CEP85L: variants seen among roughly 807,000 people sequenced by gnomAD.
CEP85L encodes the protein centrosomal protein 85L.
In CEP85L, 60 loss-of-function variants were observed where a neutral mutation model predicts 100.3. The observed-to-expected ratio is 0.60, with a 90% confidence interval of 0.49 to 0.74. CEP85L has a LOEUF of 0.74. CEP85L is among the 30% of genes least tolerant of loss of function. The pLI is 0.00. For synonymous variants in CEP85L, 319 were observed against 322.7 expected, an observed-to-expected ratio of 0.99 and a Z score of 0.12; for missense variants, 973 against 936.2, an observed-to-expected ratio of 1.04 and a Z score of -0.51.
At chr6:118,505,502 A>G (rs1353550867) in intron 5 of CEP85L, among the ~76,000 whole-genome samples, 1 of 151,826 alleles carries the variant, frequency 6.6e-6, no homozygotes, top group Non-Finnish European at 1.5e-5. Flanking sequence ...CTGGAAAATC[A>G]TGCACTAAAC....
intron 2 of CEP85L, among the ~76,000 whole-genome samples, chr6:118,609,706 G>A (rs1772480391): frequency 6.6e-6 from 1 of 151,902 alleles, no homozygotes; most frequent in African/African-American, 2.4e-5. Flanking sequence ...AAAACAAAGG[G>A]CGTTAAATAT....
At chr6:118,587,103 C>A (rs886518743) in intron 2 of CEP85L, among the ~76,000 whole-genome samples, 2 of 152,186 alleles carry the variant, frequency 1.3e-5, no homozygotes, top group African/African-American at 4.8e-5. Flanking sequence ...ATTGTTGGGT[C>A]TGTCCTAAGT....
intron 1 of CEP85L, among the ~76,000 whole-genome samples, chr6:118,641,584 T>G (rs1368537130): frequency 6.6e-6 from 1 of 152,210 alleles, no homozygotes; most frequent in Admixed American, 6.5e-5. Flanking sequence ...CCTTTGTTCA[T>G]TTGATTTTTT....
intron 2 of CEP85L, among the ~76,000 whole-genome samples, chr6:118,605,887 A>C (rs2115195818): frequency 6.6e-6 from 1 of 152,042 alleles, no homozygotes; most frequent in Non-Finnish European, 1.5e-5. Flanking sequence ...GGTGGCACAC[A>C]CCTGTAGTCC....
At chr6:118,701,190 G>A (rs912841877) in intron 1 of CEP85L, among the ~76,000 whole-genome samples, 18 of 152,188 alleles carry the variant, frequency 1.2e-4, no homozygotes, top group Non-Finnish European at 2.5e-4. Flanking sequence ...TGGTTGGAAG[G>A]TAAATTAGTT....
chr6:118,591,297 A>G (rs1281449744), intron 2 of CEP85L, among the ~76,000 whole-genome samples: 1 of 152,124 alleles, frequency 6.6e-6, no homozygotes, highest in African/African-American at 2.4e-5. Flanking sequence ...ACACCCAAGT[A>G]ACAAAAGTAC....
chr6:118,536,479 T>C (rs998096312), intron 3 of CEP85L, among the ~76,000 whole-genome samples: 6 of 152,144 alleles, frequency 3.9e-5, no homozygotes, highest in African/African-American at 9.7e-5. Context: ...CAACAAAAAA[T>C]ATAATACAGG....
chr6:118,554,567 C>T (rs945724185), intron 3 of CEP85L, among the ~76,000 whole-genome samples: 9 of 152,180 alleles, frequency 5.9e-5, no homozygotes, highest in African/African-American at 1.7e-4. Context: ...ACTAAATAAA[C>T]ACACAGTTTC....
intron 1 of CEP85L, among the ~76,000 whole-genome samples, chr6:118,666,623 G>T (rs955993594): frequency 6.6e-6 from 1 of 152,142 alleles, no homozygotes; most frequent in Non-Finnish European, 1.5e-5. Context: ...ACATGGAAAG[G>T]TCAGGATTAG....
intron 1 of CEP85L, among the ~76,000 whole-genome samples, chr6:118,664,144 C>T (rs946114594): frequency 6.6e-6 from 1 of 152,102 alleles, no homozygotes; most frequent in African/African-American, 2.4e-5. Flanking sequence ...AGTCCTCCCA[C>T]CTCAGCCTCC....
intron 5 of CEP85L, among the ~76,000 whole-genome samples, chr6:118,503,480 T>A (rs1299271640): frequency 6.6e-6 from 1 of 151,996 alleles, no homozygotes; most frequent in Non-Finnish European, 1.5e-5. Context: ...AGAATATCCA[T>A]CACAATACTA....
At chr6:118,567,342 A>G (rs1424599182) in intron 2 of CEP85L, among the ~76,000 whole-genome samples, 4 of 148,354 alleles carry the variant, frequency 2.7e-5, no homozygotes, top group Non-Finnish European at 5.9e-5. Flanking sequence ...CTTTCTCTCT[A>G]TATTTATTAA....
At chr6:118,483,587 A>C in intron 7 of CEP85L, 119 bp downstream of exon 7, 1 of 849,098 alleles carries the variant, frequency 1.2e-6, no homozygotes, top group Admixed American at 2.6e-5. Flanking sequence ...TTCTTATTAG[A>C]ATTAAGTCCC....
intron 3 of CEP85L, among the ~76,000 whole-genome samples, chr6:118,557,936 A>C (rs1393013391): frequency 6.7e-6 from 1 of 150,104 alleles, no homozygotes; most frequent in Non-Finnish European, 1.5e-5. Context: ...TCACTGATTC[A>C]CCAAATACTG....
At chr6:118,646,424 T>C (rs1775194529) in intron 1 of CEP85L, among the ~76,000 whole-genome samples, 1 of 151,984 alleles carries the variant, frequency 6.6e-6, no homozygotes, top group African/African-American at 2.4e-5. Context: ...ATCCCAGCAC[T>C]CTCGGAGGCC....
At chr6:118,605,718 A>G (rs919358349) in intron 2 of CEP85L, among the ~76,000 whole-genome samples, 6 of 123,202 alleles carry the variant, frequency 4.9e-5, no homozygotes, top group Non-Finnish European at 1.1e-4. Flanking sequence ...GTGTGCATTA[A>G]GAGTGGAAAG....
At chr6:118,535,467 G>A (rs572375361) in intron 3 of CEP85L, among the ~76,000 whole-genome samples, 147 of 152,316 alleles carry the variant, frequency 9.7e-4, no homozygotes, top group African/African-American at 3.4e-3. Context: ...TATAATCGCA[G>A]TTTCACTTTC....
intron 2 of CEP85L, among the ~76,000 whole-genome samples, chr6:118,621,284 ATGC>A (rs1258717594): frequency 6.6e-5 from 10 of 152,164 alleles, no homozygotes; most frequent in African/African-American, 2.4e-4. Flanking sequence ...ATTCCTTTAT[ATGC>A]TGCTGTACCC....
intron 2 of CEP85L, among the ~76,000 whole-genome samples, chr6:118,582,644 A>T (rs1318807453): frequency 3.3e-5 from 5 of 152,224 alleles, no homozygotes; most frequent in Non-Finnish European, 7.3e-5. Flanking sequence ...CCTATGGAAG[A>T]CCAGGGCCAA....
Sources: allele counts gnomAD v4.1 joint callset (sites outside exome capture counted in the v4.1 genomes callset), GRCh38; gene constraint gnomAD v4.1.1; transcripts MANE v1.5; gene names NCBI Gene and HGNC (gene_info 2026-07-23, HGNC 2026-07-21).